Variants in TACC2 observed in about 807,000 individuals in gnomAD.
The protein encoded by TACC2 is transforming acidic coiled-coil-containing protein 2.
In TACC2, 137 loss-of-function variants were observed where a neutral mutation model predicts 227.3. The ratio of observed to expected loss-of-function variants is 0.60; its 90% CI spans 0.52 to 0.69. TACC2 has a LOEUF of 0.69. Among genes scored for constraint, TACC2 ranks in the 30% least tolerant of loss-of-function variants. The pLI is 0.00. For synonymous variants in TACC2, 1,523 were observed against 1,487.5 expected (o/e 1.02, Z -0.55); for missense variants, 3,470 against 3,694.4 (o/e 0.94, Z 1.57).
chr10:122,167,629 G>A (rs1046363173), intron 7 of TACC2, among the ~76,000 whole-genome samples: 3 of 152,168 alleles, frequency 2.0e-5, no homozygotes, highest in African/African-American at 7.2e-5. Context: ...CTTCCCTTAT[G>A]TGGTTCCTGA....
At chr10:122,001,251 G>A (rs1954283250) in intron 1 of TACC2, among the ~76,000 whole-genome samples, 1 of 152,252 alleles carries the variant, frequency 6.6e-6, no homozygotes, top group Non-Finnish European at 1.5e-5. Flanking sequence ...ATAAAGGAAA[G>A]AGGTTTAATT....
At chr10:122,137,837 C>T (rs2089954482) in intron 6 of TACC2, among the ~76,000 whole-genome samples, 1 of 152,194 alleles carries the variant, frequency 6.6e-6, no homozygotes, top group Admixed American at 6.5e-5. Flanking sequence ...CTTTTCTCCT[C>T]ACCTGTGAAC....
At chr10:122,234,916 T>G (rs553884820) in intron 16 of TACC2, among the ~76,000 whole-genome samples, 5 of 152,362 alleles carry the variant, frequency 3.3e-5, no homozygotes, top group Non-Finnish European at 7.3e-5. Context: ...GGAAACCTTG[T>G]GCCCCAGTCT....
intron 2 of TACC2, chr10:122,023,926 T>G (rs1411510509): frequency 1.3e-5 from 2 of 151,986 alleles, no homozygotes; most frequent in African/African-American, 2.4e-5. Context: ...CACCATCAGC[T>G]CCAGTGGGTG....
intron 1 of TACC2, among the ~76,000 whole-genome samples, chr10:122,011,028 C>T (rs1955853450): frequency 6.6e-6 from 1 of 152,186 alleles, no homozygotes; most frequent in Admixed American, 6.5e-5. Flanking sequence ...TGACTGTAGT[C>T]TCTGAACAAG....
chr10:122,224,965 A>G (rs968571033), intron 12 of TACC2, among the ~76,000 whole-genome samples, 178 bp downstream of exon 12: 2 of 151,906 alleles, frequency 1.3e-5, no homozygotes, highest in Admixed American at 6.6e-5. Context: ...TTTGTACTCA[A>G]TCCACTTCGT....
intron 6 of TACC2, among the ~76,000 whole-genome samples, chr10:122,138,534 A>C (rs993119161): frequency 5.3e-5 from 8 of 152,186 alleles, no homozygotes; most frequent in African/African-American, 1.9e-4. Context: ...ACAAACAAAG[A>C]CTGAATGATA....
At chr10:122,185,588 A>G (rs1180541389) in intron 7 of TACC2, among the ~76,000 whole-genome samples, 2 of 152,206 alleles carry the variant, frequency 1.3e-5, no homozygotes, top group Admixed American at 1.3e-4. Flanking sequence ...TACCAAACCT[A>G]TTAGACTAGA....
chr10:122,070,114 C>A (rs1346224744), intron 3 of TACC2, among the ~76,000 whole-genome samples: 1 of 152,134 alleles, frequency 6.6e-6, no homozygotes, highest in Non-Finnish European at 1.5e-5. Context: ...TAAAAAGAAA[C>A]CCTTCATCAC....
chr10:122,203,201 G>A (rs1337496086), intron 8 of TACC2, among the ~76,000 whole-genome samples: 5 of 151,902 alleles, frequency 3.3e-5, no homozygotes, highest in African/African-American at 4.8e-5. Context: ...GGTGGTGGCC[G>A]GGCAGAGGGG....
intron 5 of TACC2, among the ~76,000 whole-genome samples, chr10:122,130,844 G>C (rs541417257): frequency 1.4e-5 from 2 of 144,446 alleles, no homozygotes; most frequent in African/African-American, 5.7e-5. Context: ...GCACGTATAC[G>C]TAGTAACCAT....
chr10:122,241,775 A>G lies in TACC2; in HGVS notation c.8349-183A>G, dbSNP rs2096000556. The G allele has an allele frequency of 1.6e-5, 10 of 636,530 alleles. 1 individual carries two copies. In the South Asian group the frequency reaches 1.8e-4, roughly 12 times the overall value. 39.4% of individuals were successfully genotyped at this position (636,530 alleles called of 1,614,324 possible). On this transcript the variant is annotated intron_variant, in intron 18 of 22. Coordinates refer to ENST00000369005, the MANE Select transcript of TACC2 (RefSeq NM_206862.4). Reference sequence around the variant, plus strand: ...GTGAGGGATGTTGAAGGCTTTGCACAAGGGAGTGGCATATTTAGAGTCACG... The same window carrying G: ...GTGAGGGATGTTGAAGGCTTTGCACGAGGGAGTGGCATATTTAGAGTCACG...
At position 122,210,093 on chromosome 10, in the gene TACC2, A is replaced by G. The variant is rs2095253499; in HGVS notation, c.5972-304A>G. On this transcript the variant is annotated intron_variant, in intron 8 of 22. Coordinates refer to ENST00000369005, the MANE Select transcript of TACC2 (RefSeq NM_206862.4). This position sits in a 1 kb window ranked among gnomAD's most constrained non-coding sequence, Gnocchi z 4.6. ...TGTTGAATCTCTAGTACCTAGAACC[A>G]TGTCTGGTCCTGATTAGGCACTTGG... The G allele has an allele frequency of 4.7e-6, 2 of 424,592 alleles. No homozygotes were observed. The highest frequency in any genetic ancestry group is 2.7e-5 in the South Asian group (1 of 36,610). 26.3% of individuals were successfully genotyped at this position (424,592 alleles called of 1,614,324 possible). A position where few individuals can be genotyped will look rare whatever the true frequency, so the allele number is the denominator to read the frequency against.
intron 7 of TACC2, among the ~76,000 whole-genome samples, chr10:122,162,541 G>A (rs953374174): frequency 2.0e-5 from 3 of 152,192 alleles, no homozygotes; most frequent in Admixed American, 1.3e-4. Flanking sequence ...TGTGTTGAAT[G>A]TACAGCATGA....
chr10:122,008,324 A>C (rs1042527507), intron 1 of TACC2, among the ~76,000 whole-genome samples: 5 of 146,734 alleles, frequency 3.4e-5, no homozygotes, highest in African/African-American at 1.3e-4. Flanking sequence ...CAGTGGTGCG[A>C]TCTTGGCTCA....
At chr10:122,151,764 A>C (rs1565445056) in intron 7 of TACC2, among the ~76,000 whole-genome samples, 1 of 152,170 alleles carries the variant, frequency 6.6e-6, no homozygotes, top group Non-Finnish European at 1.5e-5. Context: ...GAACTAAAGC[A>C]GTGGCCGTGG....
At chr10:122,216,969 C>T in intron 11 of TACC2, 141 bp downstream of exon 11, 4 of 1,495,766 alleles carry the variant, frequency 2.7e-6, no homozygotes, top group Non-Finnish European at 3.6e-6. Flanking sequence ...TCTCCCGCTG[C>T]ACTTGCAGCT....
At chr10:122,192,771 G>A (rs1195396611) in intron 7 of TACC2, 2 of 456,674 alleles carry the variant, frequency 4.4e-6, no homozygotes, top group East Asian at 7.0e-5. Flanking sequence ...CCAGTCTGCT[G>A]GTGCTTCAGG....
chr10:122,149,652 A>G (rs562591469), intron 7 of TACC2, among the ~76,000 whole-genome samples: 1 of 152,122 alleles, frequency 6.6e-6, no homozygotes, highest in Non-Finnish European at 1.5e-5. Flanking sequence ...TTTGGAAAAC[A>G]TGATGCATCT....
Sources: gnomAD v4.1 joint callset for allele counts (sites outside exome capture counted in the v4.1 genomes callset) on GRCh38, gnomAD v4.1.1 for gene constraint, Gnocchi (gnomAD v3.1) non-coding constraint, MANE v1.5 for transcripts, NCBI Gene and HGNC (gene_info 2026-07-23, HGNC 2026-07-21) for gene names.